Variants in RNF216 observed in about 807,000 individuals in gnomAD.
The protein encoded by RNF216 is ring finger protein 216.
In RNF216, 72 loss-of-function variants were observed where a neutral mutation model predicts 110.8. That is an observed-to-expected ratio of 0.65 (90% CI 0.54 to 0.79). The LOEUF (loss-of-function observed/expected upper bound fraction) is 0.79, where lower values mean the gene tolerates loss of function less well. RNF216 is among the 30% of genes least tolerant of loss of function. RNF216 has a pLI of 0.00. For synonymous variants in RNF216, 495 were observed against 407.5 expected (o/e 1.21, Z -2.59); for missense variants, 1,342 against 1,141.2 (o/e 1.18, Z -2.54).
intron 13 of RNF216, among the ~76,000 whole-genome samples, chr7:5,654,643 C>T (rs948337109): frequency 7.6e-6 from 1 of 132,426 alleles, no homozygotes; most frequent in Non-Finnish European, 1.5e-5. Flanking sequence ...GCAGAGATGG[C>T]ACCACTGCAC....
chr7:5,733,685 T>A (rs1209727808), intron 5 of RNF216, among the ~76,000 whole-genome samples: 23 of 147,092 alleles, frequency 1.6e-4, no homozygotes, highest in African/African-American at 4.9e-4. Flanking sequence ...AAAAAGGAAT[T>A]CAAAGAGAAG....
intron 15 of RNF216, among the ~76,000 whole-genome samples, chr7:5,628,981 GAGGCC>G (rs1203892560): frequency 6.6e-6 from 1 of 151,944 alleles, no homozygotes; most frequent in Admixed American, 6.6e-5. Flanking sequence ...TGGATGACTT[GAGGCC>G]AGGAGTTAAG....
At chr7:5,703,950 T>C (rs932906243) in intron 13 of RNF216, among the ~76,000 whole-genome samples, 2 of 152,202 alleles carry the variant, frequency 1.3e-5, no homozygotes, top group African/African-American at 4.8e-5. Flanking sequence ...TCCAGAAGCA[T>C]CACCTTCAAA....
intron 2 of RNF216, among the ~76,000 whole-genome samples, chr7:5,758,186 T>C (rs1795748618): frequency 1.3e-5 from 2 of 152,186 alleles, no homozygotes; most frequent in South Asian, 4.1e-4. Context: ...AAAAAACAAC[T>C]ATAAAATTAA....
Position 5,741,603 on chromosome 7 carries a change from C to T in RNF216, c.414G>A (p.Gly138=), listed in dbSNP as rs1244456201. 6 of 1,614,064 alleles carry T rather than the reference C, an allele frequency of 3.7e-6. No individual in the cohort carries two copies. Among genetic ancestry groups the T allele is most frequent in the Non-Finnish European group, 5.1e-6 (6 of 1,180,018 alleles). ...EDDYGEFLDL[G]PPGISEFTKP... is the part of the protein sequence containing the mutation. ...TAGTGAATTCAGAGATTCCAGGAGG[C>T]CCAAGATCCAGAAATTCACCGTAGT... The change falls in exon 4 of 17, where the codon GGG becomes GGA. Residue 138 remains glycine, a synonymous_variant. Coordinates refer to ENST00000389902, the MANE Select transcript of RNF216 (RefSeq NM_207111.4).
chr7:5,779,978 T>C (rs1181063818), intron 1 of RNF216: 5 of 151,746 alleles, frequency 3.3e-5, no homozygotes, highest in African/African-American at 1.2e-4. Flanking sequence ...TAAACAAAGG[T>C]ACCCACCGAA....
intron 15 of RNF216, among the ~76,000 whole-genome samples, chr7:5,638,707 G>T (rs960651764): frequency 6.7e-5 from 10 of 149,900 alleles, no homozygotes; most frequent in African/African-American, 2.2e-4. Context: ...GCAAGAACAT[G>T]GCTCACTGCA....
chr7:5,779,003 C>CA (rs1796928695), intron 1 of RNF216, among the ~76,000 whole-genome samples: 3 of 152,252 alleles, frequency 2.0e-5, no homozygotes, highest in African/African-American at 7.2e-5. Context: ...CTCGGCCTCC[C>CA]AAAGTGCTGG....
At chr7:5,654,457 C>A (rs190254824) in intron 13 of RNF216, among the ~76,000 whole-genome samples, 2 of 152,032 alleles carry the variant, frequency 1.3e-5, no homozygotes, top group Admixed American at 1.3e-4. Flanking sequence ...GAGGCCAAGG[C>A]AGGCAAATCA....
chr7:5,725,170 G>C (rs927248337), intron 8 of RNF216, among the ~76,000 whole-genome samples, 154 bp downstream of exon 8: 1 of 152,156 alleles, frequency 6.6e-6, no homozygotes, highest in African/African-American at 2.4e-5. Flanking sequence ...TAAAAATTTT[G>C]ATGTGCTGAG....
At position 5,620,290 on chromosome 7, in the gene RNF216, AAG is replaced by A. The variant is rs1312442260; in HGVS notation, c.*2568_*2569del. 6.6e-6 allele frequency: 1 copy of A among 152,186 alleles called. No individual in the cohort carries two copies. Among genetic ancestry groups the A allele is most frequent in the Non-Finnish European group, 1.5e-5 (1 of 68,014 alleles). 9.4% of individuals were successfully genotyped at this position (152,186 alleles called of 1,614,324 possible). ...TCCTCTCTCCAGTTTTAAGGCAAGT[AAG>A]AGGGGGCTGTGGCTGGGGAGCCTCA... On this transcript the variant is annotated 3_prime_UTR_variant, in exon 17 of 17. Coordinates refer to ENST00000389902, the MANE Select transcript of RNF216 (RefSeq NM_207111.4).
intron 1 of RNF216, among the ~76,000 whole-genome samples, chr7:5,770,689 A>G (rs1040472062): frequency 3.9e-5 from 6 of 152,172 alleles, no homozygotes; most frequent in Admixed American, 1.3e-4. Flanking sequence ...GGAGAAAAAC[A>G]AAAGGAGGAT....
Position 5,623,184 on chromosome 7 carries a change from A to C in RNF216, c.2453-5T>G, listed in dbSNP as rs916254611. 1 of 1,545,770 alleles carries C rather than the reference A, an allele frequency of 6.5e-7. No individual in the cohort carries two copies. The highest frequency in any genetic ancestry group is 8.8e-7 in the Non-Finnish European group (1 of 1,140,244). On this transcript the variant is annotated splice_region_variant and splice_polypyrimidine_tract_variant and intron_variant, in intron 16 of 16. Transcript: ENST00000389902. ...CAATGCGTTTGAAGGTGTTCTCTGA[A>C]AGGGATGTGGGGATTAGTGGAGAAA...
intron 13 of RNF216, among the ~76,000 whole-genome samples, chr7:5,652,813 G>A (rs1316736045): frequency 6.6e-6 from 1 of 152,088 alleles, no homozygotes; most frequent in Non-Finnish European, 1.5e-5. Flanking sequence ...AAAGAGTTGG[G>A]GGAGGAGAGG....
intron 13 of RNF216, among the ~76,000 whole-genome samples, chr7:5,692,028 G>A (rs1791370712): frequency 6.6e-6 from 1 of 152,208 alleles, no homozygotes; most frequent in Admixed American, 6.5e-5. Context: ...TGTTTTCAAG[G>A]AGGGATTTCA....
rs1407654032 is a variant in RNF216 at position 5,658,685 on chromosome 7, C to G, written c.2062-6175G>C. ...AAAAAAAAAAAAAAAATTTTTTTAA[C>G]TGACTTGAATAAAGCAGTATATTTT... On this transcript the variant is annotated intron_variant, in intron 13 of 16. Transcript: ENST00000389902. Among the ~76,000 whole-genome samples the G allele has an allele frequency of 3.4e-5, 5 of 149,004 alleles. No homozygotes were observed. The East Asian group carries it at 9.8e-4, about 29-fold the overall frequency.
At chr7:5,727,135 A>C (rs533143587) in intron 7 of RNF216, among the ~76,000 whole-genome samples, 1 of 152,276 alleles carries the variant, frequency 6.6e-6, no homozygotes, top group Admixed American at 6.5e-5. Flanking sequence ...GGTGGCTATG[A>C]TGCAGTGTTT....
chr7:5,677,611 ATCCTCAGATTGG>A (rs2128602362), intron 13 of RNF216, among the ~76,000 whole-genome samples: 1 of 152,298 alleles, frequency 6.6e-6, no homozygotes, highest in Non-Finnish European at 1.5e-5. Context: ...TTGTGTTAGC[ATCCTCAGATTGG>A]AAAGAACTGA....
chr7:5,647,139 G>C (rs1236707305), intron 14 of RNF216, among the ~76,000 whole-genome samples: 1 of 151,744 alleles, frequency 6.6e-6, no homozygotes, highest in African/African-American at 2.4e-5. Context: ...AAGGGAAAAA[G>C]TTGCCTCTGG....
Sources: gnomAD v4.1 joint callset for allele counts (sites outside exome capture counted in the v4.1 genomes callset) on GRCh38, gnomAD v4.1.1 for gene constraint, MANE v1.5 for transcripts, NCBI Gene and HGNC (gene_info 2026-07-23, HGNC 2026-07-21) for gene names.